The following DGKH variants were observed in gnomAD, a reference collection of about 807,000 sequenced individuals.
DGKH encodes the protein diacylglycerol kinase eta.
Under a neutral mutation model 159.3 loss-of-function variants are expected in DGKH, and 90 were observed. The ratio of observed to expected loss-of-function variants is 0.57; its 90% CI spans 0.48 to 0.67. The LOEUF is 0.67. Among genes scored for constraint, DGKH ranks in the 30% least tolerant of loss-of-function variants. DGKH has a pLI of 0.00. For synonymous variants in DGKH, 536 were observed against 553.8 expected (o/e 0.97, Z 0.45); for missense variants, 1,181 against 1,506.1 (o/e 0.78, Z 3.57).
At chr13:42,092,005 G>A (rs919590743) in intron 1 of DGKH, among the ~76,000 whole-genome samples, 5 of 152,100 alleles carry the variant, frequency 3.3e-5, no homozygotes, top group African/African-American at 1.2e-4. Flanking sequence ...GTAATTGGCT[G>A]TACTACTTTA....
chr13:42,088,855 T>A (rs1363474450), intron 1 of DGKH, among the ~76,000 whole-genome samples: 1 of 152,184 alleles, frequency 6.6e-6, no homozygotes, highest in Non-Finnish European at 1.5e-5. Flanking sequence ...AATCCAATTA[T>A]TTGCTCTACA....
intron 1 of DGKH, among the ~76,000 whole-genome samples, chr13:42,117,524 A>G (rs943230580): frequency 5.9e-5 from 9 of 152,180 alleles, no homozygotes; most frequent in Non-Finnish European, 1.3e-4. Context: ...CTTTTTAATC[A>G]TATCTTTTAG....
intron 3 of DGKH, chr13:42,140,872 G>A (rs1166421010): frequency 1.3e-5 from 2 of 151,042 alleles, no homozygotes; most frequent in African/African-American, 2.4e-5. Flanking sequence ...GGCCTAATAC[G>A]GGAAAATAAG....
chr13:42,216,083 C>G (rs1957786735), intron 26 of DGKH, among the ~76,000 whole-genome samples: 1 of 152,222 alleles, frequency 6.6e-6, no homozygotes, highest in Admixed American at 6.5e-5. Flanking sequence ...AGGACATTTT[C>G]TAGACACAGT....
chr13:42,078,909 CTTTTTTT>C (rs55801562), intron 1 of DGKH, among the ~76,000 whole-genome samples: 18 of 93,578 alleles, frequency 1.9e-4, no homozygotes, highest in Non-Finnish European at 3.1e-4. Flanking sequence ...GTATATTCTC[CTTTTTTT>C]TTTTTTTTTT....
In DGKH at chr13:42,048,652, A is replaced by C; in HGVS notation, c.-122A>C. On this transcript the variant is annotated 5_prime_UTR_variant, in exon 1 of 30. Coordinates refer to ENST00000337343, the MANE Select transcript of DGKH (RefSeq NM_178009.5). The surrounding 1 kb of genome is among the most constrained non-coding windows in gnomAD (Gnocchi z 6.7). ...CTTACCTCGCGGGGGTAGCTAGGGA[A>C]ACGGAAGATGGCGGCGGCGGCCGGG... 1 of 1,167,094 alleles carries C rather than the reference A, an allele frequency of 8.6e-7. No individual in the cohort carries two copies. The highest frequency in any genetic ancestry group is 1.1e-6 in the Non-Finnish European group (1 of 936,062). 72.3% of individuals were successfully genotyped at this position (1,167,094 alleles called of 1,614,324 possible).
At chr13:42,148,826 G>A (rs1955802410) in intron 3 of DGKH, among the ~76,000 whole-genome samples, 1 of 151,880 alleles carries the variant, frequency 6.6e-6, no homozygotes, top group Non-Finnish European at 1.5e-5. Context: ...ATGTGCTCAT[G>A]TGTCCCTTGG....
At position 42,207,058 on chromosome 13, in the gene DGKH, C is replaced by CT. The variant is rs1957506547; in HGVS notation, c.2601+914dup. Among the ~76,000 whole-genome samples the CT allele has an allele frequency of 6.8e-4, 19 of 27,900 alleles. 1 individual carries two copies. Among genetic ancestry groups the CT allele is most frequent in the South Asian group, 3.2e-3 (2 of 620 alleles). 18.3% of individuals were successfully genotyped at this position (27,900 alleles called of 152,430 possible). A position where few individuals can be genotyped will look rare whatever the true frequency, so the allele number is the denominator to read the frequency against. The stretch of plus-strand genomic sequence containing the variant: ...CTTTCTTTCCTTCTTTCCTTCTTTC[C>CT]TTCCTTCTTTCTTTCTTTCTTTCTT... On this transcript the variant is annotated intron_variant, in intron 21 of 29. Coordinates refer to ENST00000337343, the MANE Select transcript of DGKH (RefSeq NM_178009.5).
Position 42,082,692 on chromosome 13 carries a change from C to T in DGKH, c.192+33727C>T, listed in dbSNP as rs561285245. On this transcript the variant is annotated intron_variant, in intron 1 of 29. Transcript: ENST00000337343. The stretch of plus-strand genomic sequence containing the variant: ...ACCATTTTCACCAGGTTCTAGAATG[C>T]TGTCTAAATTTACTAAGAGAAAGGC... Among the ~76,000 whole-genome samples the T allele has an allele frequency of 3.0e-4, 45 of 152,294 alleles. No individual in the cohort carries two copies. The South Asian group carries it at 9.1e-3, about 31-fold the overall frequency.
chr13:42,179,501 C>T (rs897192369), intron 13 of DGKH, among the ~76,000 whole-genome samples: 6 of 151,980 alleles, frequency 3.9e-5, no homozygotes, highest in Admixed American at 6.6e-5. Flanking sequence ...AACCAGGTAC[C>T]GTGGCTCATG....
At chr13:42,112,422 C>T (rs1170998453) in intron 1 of DGKH, among the ~76,000 whole-genome samples, 1 of 151,908 alleles carries the variant, frequency 6.6e-6, no homozygotes, top group East Asian at 1.9e-4. Flanking sequence ...GGTGGGACTA[C>T]AAGAGTGAGC....
intron 3 of DGKH, among the ~76,000 whole-genome samples, chr13:42,148,932 C>T (rs964434463): frequency 6.9e-6 from 1 of 145,928 alleles, no homozygotes; most frequent in African/African-American, 2.5e-5. Context: ...CCCACAACCC[C>T]GCCCGCCCCT....
At position 42,113,502 on chromosome 13, in the gene DGKH, T is replaced by C. The variant is rs142720868; in HGVS notation, c.193-13961T>C. On this transcript the variant is annotated intron_variant, in intron 1 of 29. Transcript: ENST00000337343. ...TGTATCCTTATTTAAATACAGAGTC[T>C]TACATTTACTTTTAAGAAAGTAGGA... Among the ~76,000 whole-genome samples the C allele has an allele frequency of 1.7e-4, 26 of 152,324 alleles. No homozygotes were observed. In the East Asian group the frequency reaches 4.8e-3, roughly 28 times the overall value.
intron 1 of DGKH, among the ~76,000 whole-genome samples, chr13:42,122,781 G>T (rs1269713148): frequency 6.6e-6 from 1 of 152,114 alleles, no homozygotes. Flanking sequence ...CATATGATGT[G>T]TGCACATATT....
intron 1 of DGKH, among the ~76,000 whole-genome samples, chr13:42,072,862 A>G (rs979774156): frequency 1.3e-5 from 2 of 151,934 alleles, no homozygotes; most frequent in South Asian, 2.1e-4. Context: ...CCCACCCCCA[A>G]CCTGGCATGC....
intron 1 of DGKH, among the ~76,000 whole-genome samples, chr13:42,065,212 T>C (rs1165283705): frequency 6.6e-6 from 1 of 152,228 alleles, no homozygotes; most frequent in Non-Finnish European, 1.5e-5. Context: ...TGTTCTGCCT[T>C]GGACAAGCCA....
In DGKH at chr13:42,166,417, C is replaced by T. The variant is rs1257981238; in HGVS notation, c.959-98C>T. 3.6e-6 allele frequency: 4 copies of T among 1,122,170 alleles called. No homozygotes were observed. The East Asian group carries it at 8.2e-5, about 23-fold the overall frequency. 69.5% of individuals were successfully genotyped at this position (1,122,170 alleles called of 1,614,324 possible). A position where few individuals can be genotyped will look rare whatever the true frequency, so the allele number is the denominator to read the frequency against. On this transcript the variant is annotated intron_variant, in intron 8 of 29. Transcript: ENST00000337343. ...GAGAGCTAAATTATAACTTAATGCT[C>T]CAGTTTTTATGAATTTATTTTCTTT...
rs201303481 is a variant in DGKH at position 42,229,140 on chromosome 13, C to T, written c.3615C>T (p.Leu1205=). Residue 1205 remains leucine (L), a synonymous_variant, in exon 30 of 30, where the codon CTC becomes CTT. Coordinates refer to ENST00000337343, the MANE Select transcript of DGKH (RefSeq NM_178009.5). ...IPKVGHVKRI[L]QGIKELGRST... ...AAGTGGGTCATGTGAAGCGAATTCT[C>T]CAGGGAATTAAAGAGCTTGGAAGGA... 3 of 1,611,326 alleles carry T rather than the reference C, an allele frequency of 1.9e-6. No individual in the cohort carries two copies. In the Admixed American group the frequency reaches 5.0e-5, roughly 27 times the overall value.
At chr13:42,148,431 C>G (rs750452788) in intron 3 of DGKH, among the ~76,000 whole-genome samples, 67 of 152,292 alleles carry the variant, frequency 4.4e-4, no homozygotes, top group Non-Finnish European at 8.7e-4. Flanking sequence ...TCTATGGAAT[C>G]CTTTTTTATC....
Sources: gnomAD v4.1 joint callset for allele counts (sites outside exome capture counted in the v4.1 genomes callset) on GRCh38, gnomAD v4.1.1 for gene constraint, Gnocchi (gnomAD v3.1) non-coding constraint, MANE v1.5 for transcripts, NCBI Gene and HGNC (gene_info 2026-07-23, HGNC 2026-07-21) for gene names.